DENND1A: variants seen among roughly 807,000 people sequenced by gnomAD.
The protein encoded by DENND1A is DENN domain containing 1A, also known as DENN domain-containing protein 1A.
A neutral mutation model predicts 113.7 loss-of-function variants in DENND1A; 51 were observed. The observed-to-expected ratio is 0.45, with a 90% CI of 0.36 to 0.57. The LOEUF (loss-of-function observed/expected upper bound fraction) is 0.57. Ranked by LOEUF, DENND1A falls within the 20% of genes least tolerant of loss-of-function variation. The pLI is 0.00. For missense variants in DENND1A, 1,258 were observed against 1,395.9 expected, an observed-to-expected ratio of 0.90 and a Z score of 1.57; for synonymous variants, 565 against 570.8, an observed-to-expected ratio of 0.99 and a Z score of 0.14.
intron 16 of DENND1A, among the ~76,000 whole-genome samples, chr9:123,454,026 C>T (rs1245769489): frequency 6.6e-6 from 1 of 152,212 alleles, no homozygotes; most frequent in African/African-American, 2.4e-5. Flanking sequence ...CAGCCACTTC[C>T]AAGGGACTCG....
At chr9:123,565,463 G>T (rs987009233) in intron 12 of DENND1A, among the ~76,000 whole-genome samples, 2 of 152,214 alleles carry the variant, frequency 1.3e-5, no homozygotes, top group Non-Finnish European at 2.9e-5. Context: ...GGGTGTCACA[G>T]TTGGAGTTGA....
At chr9:123,462,549 C>G (rs536313293) in intron 13 of DENND1A, among the ~76,000 whole-genome samples, 1 of 152,176 alleles carries the variant, frequency 6.6e-6, no homozygotes, top group African/African-American at 2.4e-5. Flanking sequence ...GTAATCTCAG[C>G]AATTTGGGAG....
At chr9:123,549,252 C>T (rs79672229) in intron 13 of DENND1A, among the ~76,000 whole-genome samples, 3,116 of 152,192 alleles carry the variant, frequency 0.02, 43 homozygotes, top group Non-Finnish European at 0.033. Flanking sequence ...CTCTTTCTCC[C>T]GGTTTCCTTG....
intron 8 of DENND1A, among the ~76,000 whole-genome samples, chr9:123,656,247 C>T (rs901742080): frequency 4.7e-5 from 7 of 147,824 alleles, no homozygotes; most frequent in South Asian, 4.5e-4. Flanking sequence ...AGAGGCAGGG[C>T]GGGGAGGGAG....
chr9:123,485,656 G>GCGCGCGCGCACACA (rs765633751), intron 13 of DENND1A: 63 of 141,218 alleles, frequency 4.5e-4, no homozygotes, highest in South Asian at 1.8e-3. Context: ...GCGCGCGCGC[G>GCGCGCGCGCACACA]CACACACACA....
chr9:123,656,483 G>C (rs2062952013), intron 8 of DENND1A, among the ~76,000 whole-genome samples: 1 of 141,800 alleles, frequency 7.1e-6, no homozygotes, highest in Non-Finnish European at 1.6e-5. Context: ...TAGATGTCAG[G>C]GATATCCATA....
chr9:123,642,925 C>T (rs897668525), intron 9 of DENND1A, among the ~76,000 whole-genome samples: 2 of 152,176 alleles, frequency 1.3e-5, no homozygotes, highest in Non-Finnish European at 2.9e-5. Context: ...TGGCGTTCGT[C>T]AGGAAAGTAG....
chr9:123,752,569 C>T (rs1437085954), intron 5 of DENND1A, among the ~76,000 whole-genome samples: 2 of 152,142 alleles, frequency 1.3e-5, no homozygotes, highest in African/African-American at 4.8e-5. Context: ...TATGACATAT[C>T]TCCCCATAAC....
chr9:123,701,657 C>T (rs2065892125), intron 5 of DENND1A, among the ~76,000 whole-genome samples: 1 of 152,162 alleles, frequency 6.6e-6, no homozygotes, highest in Non-Finnish European at 1.5e-5. Flanking sequence ...ATGAATAACC[C>T]ACAGCAACAG....
At chr9:123,916,374 T>TC (rs1855137650) in intron 1 of DENND1A, among the ~76,000 whole-genome samples, 1 of 149,680 alleles carries the variant, frequency 6.7e-6, no homozygotes, top group African/African-American at 2.4e-5. Context: ...GTATTTGCTT[T>TC]TTTTTTTTTT....
chr9:123,811,358 T>C (rs1430844542), intron 2 of DENND1A, among the ~76,000 whole-genome samples: 2 of 152,234 alleles, frequency 1.3e-5, no homozygotes, highest in African/African-American at 2.4e-5. Context: ...CTATAATTGA[T>C]AACTAAGAGT....
chr9:123,576,147 A>G (rs950653069), intron 12 of DENND1A, among the ~76,000 whole-genome samples: 1 of 152,182 alleles, frequency 6.6e-6, no homozygotes, highest in Non-Finnish European at 1.5e-5. Context: ...ATAAATCTCT[A>G]ACTTAATACA....
intron 22 of DENND1A, among the ~76,000 whole-genome samples, chr9:123,385,712 C>T (rs1368189009): frequency 6.6e-6 from 1 of 152,202 alleles, no homozygotes; most frequent in African/African-American, 2.4e-5. Flanking sequence ...CTTACACCCC[C>T]ACCTTATGGA....
chr9:123,560,181 T>G (rs759993495), intron 12 of DENND1A, among the ~76,000 whole-genome samples: 18 of 152,134 alleles, frequency 1.2e-4, no homozygotes, highest in Non-Finnish European at 2.2e-4. Flanking sequence ...GTGGAGACAA[T>G]GGAAATTTTG....
chr9:123,628,872 G>A (rs1414940110), intron 10 of DENND1A, among the ~76,000 whole-genome samples: 2 of 152,124 alleles, frequency 1.3e-5, no homozygotes, highest in Non-Finnish European at 2.9e-5. Flanking sequence ...ATAAGAGGTG[G>A]GAGAAAGGCA....
At chr9:123,925,787 G>C (rs915057147) in intron 1 of DENND1A, among the ~76,000 whole-genome samples, 1 of 152,224 alleles carries the variant, frequency 6.6e-6, no homozygotes, top group Non-Finnish European at 1.5e-5. Flanking sequence ...CAGGTATACA[G>C]GCTAATGTAG....
intron 7 of DENND1A, among the ~76,000 whole-genome samples, 198 bp from the exon 8 acceptor site, chr9:123,667,277 T>TG (rs1251545270): frequency 6.6e-6 from 1 of 152,216 alleles, no homozygotes; most frequent in East Asian, 1.9e-4. Flanking sequence ...CTTTGGTAGA[T>TG]GGAGTTCTTT....
At chr9:123,592,932 C>T (rs2059525774) in intron 11 of DENND1A, among the ~76,000 whole-genome samples, 1 of 152,126 alleles carries the variant, frequency 6.6e-6, no homozygotes, top group Admixed American at 6.5e-5. Flanking sequence ...ATGTGTAATA[C>T]CTAGGATAGT....
At chr9:123,746,547 G>A (rs768513822) in intron 5 of DENND1A, among the ~76,000 whole-genome samples, 2 of 152,026 alleles carry the variant, frequency 1.3e-5, no homozygotes, top group African/African-American at 4.8e-5. Flanking sequence ...GTTGAGCACC[G>A]CTAATTTGGA....
Sources: gnomAD v4.1 joint callset for allele counts (sites outside exome capture counted in the v4.1 genomes callset) on GRCh38, gnomAD v4.1.1 for gene constraint, MANE v1.5 for transcripts, NCBI Gene and HGNC (gene_info 2026-07-23, HGNC 2026-07-21) for gene names.